The following DOK5 variants were observed in gnomAD, a reference collection of about 807,000 sequenced individuals.
The protein encoded by DOK5 is docking protein 5.
Under a neutral mutation model 43.3 loss-of-function variants are expected in DOK5, and 27 were observed. The observed-to-expected ratio is 0.62, with a 90% CI of 0.46 to 0.86. The LOEUF (loss-of-function observed/expected upper bound fraction) is 0.86, where lower values mean the gene tolerates loss of function less well. DOK5 is among the 40% of genes least tolerant of loss of function. DOK5 has a pLI of 0.00. For synonymous variants in DOK5, 146 were observed against 140.1 expected, an observed-to-expected ratio of 1.04 and a Z score of -0.30; for missense variants, 373 against 392.9, an observed-to-expected ratio of 0.95 and a Z score of 0.43.
intron 1 of DOK5, among the ~76,000 whole-genome samples, chr20:54,511,570 AG>A (rs543835110): frequency 4.4e-4 from 67 of 152,362 alleles, no homozygotes; most frequent in African/African-American, 1.6e-3. Context: ...AACTAACACT[AG>A]GTAAACATTC....
rs775419819 is a variant in DOK5 at position 54,529,576 on chromosome 20, A to G, written c.67-25357A>G. Among the ~76,000 whole-genome samples, 54 of 152,174 alleles carry G rather than the reference A, an allele frequency of 3.5e-4. 1 individual carries two copies. The highest frequency in any genetic ancestry group is 7.3e-5 in the Non-Finnish European group (5 of 68,030). On this transcript the variant is annotated intron_variant, in intron 1 of 7. Transcript: ENST00000262593. The stretch of plus-strand genomic sequence containing the variant: ...AAACAGCATTATTGGGATATAATTC[A>G]TATACCATAAGATTCATCCTTTTAA...
At chr20:54,581,039 G>A (rs1985623075) in intron 2 of DOK5, among the ~76,000 whole-genome samples, 1 of 151,940 alleles carries the variant, frequency 6.6e-6, no homozygotes, top group South Asian at 2.1e-4. Context: ...AATCCATTTT[G>A]AATTGATTTT....
At chr20:54,632,850 G>A (rs1290280540) in intron 6 of DOK5, among the ~76,000 whole-genome samples, 1 of 149,970 alleles carries the variant, frequency 6.7e-6, no homozygotes, top group Non-Finnish European at 1.5e-5. Flanking sequence ...GCCAAGGCGG[G>A]TGGAGCACCT....
chr20:54,628,677 C>T (rs898736777), intron 6 of DOK5, among the ~76,000 whole-genome samples: 12 of 151,942 alleles, frequency 7.9e-5, no homozygotes, highest in African/African-American at 2.4e-4. Flanking sequence ...TAGTATATTA[C>T]GCAGTTTGTA....
intron 7 of DOK5, among the ~76,000 whole-genome samples, chr20:54,649,784 G>T (rs768288077): frequency 2.6e-5 from 4 of 152,346 alleles, no homozygotes; most frequent in Non-Finnish European, 5.9e-5. Flanking sequence ...AACTGTGGCT[G>T]CTTTTGTGCT....
rs780293083 is a variant in DOK5, at chr20:54,643,515, C to T, written c.793C>T (p.Arg265Cys). The change falls in exon 7 of 8, where the codon CGC (arginine) becomes TGC (cysteine). Residue 265 changes from arginine (R) to cysteine (C), a missense_variant. Arg to Cys is a radical substitution (Grantham distance 180). Transcript: ENST00000262593. ...ASLSTMVPLP[R>C]SAYWQHITRQ... ...GCTGAGCACCATGGTGCCCCTGCCT[C>T]GCAGCGCCTACTGGCAGCACATCAC... is the stretch of plus-strand genomic sequence containing the variant. The T allele has an allele frequency of 1.7e-5, 27 of 1,613,520 alleles. No individual in the cohort carries two copies. The highest frequency in any genetic ancestry group is 2.2e-5 in the East Asian group (1 of 44,880).
chr20:54,627,346 C>T (rs554585597), intron 6 of DOK5, among the ~76,000 whole-genome samples: 1 of 152,300 alleles, frequency 6.6e-6, no homozygotes, highest in East Asian at 1.9e-4. Context: ...ATTTAAGTCG[C>T]TTTTTAAAAT....
chr20:54,547,511 T>C (rs1197934548), intron 1 of DOK5, among the ~76,000 whole-genome samples: 1 of 152,196 alleles, frequency 6.6e-6, no homozygotes, highest in Non-Finnish European at 1.5e-5. Flanking sequence ...AGCTGCTTCT[T>C]AGAACTGGAA....
intron 2 of DOK5, among the ~76,000 whole-genome samples, chr20:54,563,046 G>C (rs990947630): frequency 6.6e-6 from 1 of 152,188 alleles, no homozygotes; most frequent in African/African-American, 2.4e-5. Context: ...GCCATGTGAA[G>C]ACAGGCAGAC....
chr20:54,492,987 G>A (rs563595618), intron 1 of DOK5, among the ~76,000 whole-genome samples: 27 of 150,066 alleles, frequency 1.8e-4, no homozygotes, highest in East Asian at 1.6e-3. Flanking sequence ...CCCAGGAGGC[G>A]GAGGTTGCAG....
chr20:54,486,568 CAT>C (rs1360343076), intron 1 of DOK5, among the ~76,000 whole-genome samples: 2 of 150,860 alleles, frequency 1.3e-5, no homozygotes, highest in Non-Finnish European at 2.9e-5. Context: ...CACACACACA[CAT>C]GCACACACAC....
intron 6 of DOK5, 42 bp from the exon 7 acceptor site, chr20:54,643,416 C>A: frequency 6.2e-7 from 1 of 1,607,370 alleles, no homozygotes; most frequent in Non-Finnish European, 8.5e-7. Context: ...CACTTTCGGC[C>A]CCAGTGTTGC....
intron 1 of DOK5, among the ~76,000 whole-genome samples, chr20:54,536,752 C>A (rs939397459): frequency 8.5e-5 from 13 of 152,160 alleles, no homozygotes; most frequent in Non-Finnish European, 1.9e-4. Flanking sequence ...GTGGCCCCAC[C>A]CTCTCCAATG....
chr20:54,519,872 A>T (rs1983332130), intron 1 of DOK5, among the ~76,000 whole-genome samples: 1 of 152,178 alleles, frequency 6.6e-6, no homozygotes, highest in Admixed American at 6.6e-5. Context: ...GAAATTGTAG[A>T]TTATCTGTGG....
At chr20:54,612,899 C>T (rs1191678696) in intron 6 of DOK5, among the ~76,000 whole-genome samples, 1 of 152,136 alleles carries the variant, frequency 6.6e-6, no homozygotes, top group Non-Finnish European at 1.5e-5. Context: ...TTCTTGATAT[C>T]CCTGAGCTCC....
At chr20:54,599,081 C>T (rs1382803968) in intron 5 of DOK5, among the ~76,000 whole-genome samples, 3 of 152,122 alleles carry the variant, frequency 2.0e-5, no homozygotes, top group Non-Finnish European at 4.4e-5. Context: ...CCCAATTTAT[C>T]TTCTTAGGTA....
chr20:54,584,725 G>A (rs988624275), intron 2 of DOK5, among the ~76,000 whole-genome samples: 4 of 148,508 alleles, frequency 2.7e-5, no homozygotes, highest in East Asian at 2.0e-4. Context: ...GTGTGTGTGT[G>A]TATATATATA....
intron 6 of DOK5, among the ~76,000 whole-genome samples, chr20:54,616,991 C>A (rs998655480): frequency 6.6e-6 from 1 of 151,938 alleles, no homozygotes; most frequent in African/African-American, 2.4e-5. Flanking sequence ...GGGGTTTCAC[C>A]TTGTTAGCCA....
intron 2 of DOK5, 33 bp downstream of exon 2, chr20:54,555,073 C>G: frequency 7.0e-7 from 1 of 1,437,866 alleles, no homozygotes; most frequent in South Asian, 1.1e-5. Flanking sequence ...TTCCAGTAAT[C>G]TATTTACAGG....
Sources: gnomAD v4.1 joint callset for allele counts (sites outside exome capture counted in the v4.1 genomes callset) on GRCh38, gnomAD v4.1.1 for gene constraint, MANE v1.5 for transcripts, NCBI Gene and HGNC (gene_info 2026-07-23, HGNC 2026-07-21) for gene names.